DNHD1: variants seen among roughly 807,000 people sequenced by gnomAD.
DNHD1 encodes dynein heavy chain domain-containing protein 1.
DNHD1 carries 383 observed loss-of-function variants against 458.1 expected under a neutral mutation model. That is an observed-to-expected ratio of 0.84 (90% CI 0.77 to 0.91). The LOEUF (loss-of-function observed/expected upper bound fraction) is 0.91. Among genes scored for constraint, DNHD1 ranks in the 40% least tolerant of loss-of-function variants. The pLI, the probability that DNHD1 is intolerant of heterozygous loss-of-function variation, is 0.00. For synonymous variants in DNHD1, 2,203 were observed against 2,376.9 expected (o/e 0.93, Z 2.13); for missense variants, 5,336 against 5,866.1 (o/e 0.91, Z 2.95).
At chr11:6,556,597 C>T (rs1020605568) in intron 24 of DNHD1, 86 bp from the exon 25 acceptor site, 85 of 1,320,832 alleles carry the variant, frequency 6.4e-5, no homozygotes, top group Non-Finnish European at 7.8e-5. Flanking sequence ...TCCTTTAGAA[C>T]CGTGTGTGGC....
intron 12 of DNHD1, among the ~76,000 whole-genome samples, chr11:6,530,003 C>G (rs1389254585): frequency 6.6e-6 from 1 of 152,222 alleles, no homozygotes; most frequent in African/African-American, 2.4e-5. Context: ...GGAACTTCAT[C>G]TAGGCCACTG....
In DNHD1 at chr11:6,540,019, G is replaced by T; in HGVS notation, c.3564G>T (p.Arg1188Ser). The stretch of plus-strand genomic sequence containing the variant: ...CCCCAGCCTCAGAGCGCTCCAAGAG[G>T]CAGGTGCTCCGCAGCCCCCAATGGG... ...YEPPASERSK[R>S]QVLRSPQWEV... The change falls in exon 18 of 43, where the codon AGG (arginine) becomes AGT (serine). Residue 1188 changes from arginine to serine, a missense_variant. This residue lies in a region of DNHD1 where 3,932 missense variants were observed against 4,365.6 expected (regional missense o/e 0.90). Transcript: ENST00000254579. 1 of 1,551,706 alleles carries T rather than the reference G, an allele frequency of 6.4e-7. No homozygotes were observed.
At position 6,563,842 on chromosome 11, in the gene DNHD1, G is replaced by C. The variant is rs781159658; in HGVS notation, c.10002G>C (p.Leu3334=). The change falls in exon 31 of 43, where the codon CTG becomes CTC. Residue 3334 remains leucine (L), a synonymous_variant. Transcript: ENST00000254579. ...ASLAAWLWAV[L]HYGLAHCRGL... ...TGGCAGCCTGGCTCTGGGCTGTTCTGCACTATGGGCTGGCGCATTGCCGGG... is the reference window on the plus strand; with the variant it reads ...TGGCAGCCTGGCTCTGGGCTGTTCTCCACTATGGGCTGGCGCATTGCCGGG... The C allele has an allele frequency of 8.4e-6, 13 of 1,551,564 alleles. No individual in the cohort carries two copies. Among genetic ancestry groups the C allele is most frequent in the South Asian group, 2.4e-5 (2 of 84,066 alleles).
chr11:6,530,483 A>G (rs543637727), intron 12 of DNHD1, among the ~76,000 whole-genome samples: 18 of 152,292 alleles, frequency 1.2e-4, no homozygotes, highest in African/African-American at 4.3e-4. Context: ...TCTTTTAGGA[A>G]ATATGGAGGT....
Position 6,558,069 on chromosome 11 carries a change from A to G in DNHD1, c.8774A>G (p.Gln2925Arg), listed in dbSNP as rs1655418792. ...TCTGGGTCAGAGGAGGCCATTCTCC[A>G]ATGTCTACGAGATGCCAGCTGGCAT... Reference protein sequence around the residue: ...LPSGSEEAILQCLRDASWHAG... With the variant: ...LPSGSEEAILRCLRDASWHAG... Residue 2925 changes from glutamine (Q) to arginine (R), a missense_variant, in exon 25 of 43, where the codon CAA becomes CGA. This residue lies in a region of DNHD1 where 3,932 missense variants were observed against 4,365.6 expected (regional missense o/e 0.90). Transcript: ENST00000254579. 1.3e-6 allele frequency: 2 copies of G among 1,551,620 alleles called. No individual in the cohort carries two copies. The highest frequency in any genetic ancestry group is 1.7e-6 in the Non-Finnish European group (2 of 1,146,960).
Position 6,545,430 on chromosome 11 carries a change from G to A in DNHD1, c.4491G>A (p.Gln1497=). The A allele has an allele frequency of 6.4e-7, 1 of 1,551,828 alleles. No homozygotes were observed. Among genetic ancestry groups the A allele is most frequent in the Non-Finnish European group, 8.7e-7 (1 of 1,147,030 alleles). The change falls in exon 21 of 43, where the codon CAG becomes CAA. Residue 1497 remains glutamine (Q), a synonymous_variant. Transcript: ENST00000254579. The surrounding 1 kb of genome is among the most constrained non-coding windows in gnomAD (Gnocchi z 4.9). ...AGTTGTACCTGCAACTGTATGTCCA[G>A]CACTGGATCGACTTAGTCCAGGCCT... The part of the protein sequence containing the change: ...QNKLYLQLYV[Q]HWIDLVQAFP...
In DNHD1 at chr11:6,567,580, T is replaced by G. The variant is rs763100233; in HGVS notation, c.12071T>G (p.Leu4024Arg). ...TACCTGTCACTGTCATCCACAGTGC[T>G]GGGTCCTGCACCTGGGCCAGGGCCT... is the stretch of plus-strand genomic sequence containing the variant. ...QAYLSLSSTVLGPAPGPGPEP... is the reference protein window; with the variant it reads ...QAYLSLSSTVRGPAPGPGPEP... Residue 4024 changes from leucine (L) to arginine (R), a missense_variant, in exon 36 of 43, where the codon CTG becomes CGG. By Grantham distance (102) the Leu-to-Arg change is moderately radical. Coordinates refer to ENST00000254579, the MANE Select transcript of DNHD1 (RefSeq NM_144666.3). The G allele has an allele frequency of 3.1e-6, 5 of 1,613,300 alleles. No individual in the cohort carries two copies. Among genetic ancestry groups the G allele is most frequent in the Non-Finnish European group, 4.2e-6 (5 of 1,179,598 alleles).
chr11:6,547,828 T>G lies in DNHD1; in HGVS notation c.6728-35T>G, dbSNP rs771454822. The G allele has an allele frequency of 6.3e-5, 97 of 1,549,056 alleles. No homozygotes were observed. In the South Asian group the frequency reaches 6.3e-4, roughly 10 times the overall value. On this transcript the variant is annotated intron_variant, in intron 21 of 42. Transcript: ENST00000254579. ...TCTTTCACCTTCCACCTTTTTCTAC[T>G]GGGGCTCCTCTCGTGGCCATGGCAA...
chr11:6,509,161 G>C lies in DNHD1; in HGVS notation c.1125-1G>C. The C allele has an allele frequency of 1.2e-6, 2 of 1,614,160 alleles. No homozygotes were observed. Among genetic ancestry groups the C allele is most frequent in the Non-Finnish European group, 1.7e-6 (2 of 1,180,008 alleles). On this transcript the variant is annotated splice_acceptor_variant, in intron 5 of 42. Transcript: ENST00000254579. LOFTEE classifies it high-confidence loss of function. ...TATTATCACTGACCTCTAATTTCTA[G>C]TTGGAAGAAGAATGTGAGATTACAG... is the stretch of plus-strand genomic sequence containing the variant.
intron 4 of DNHD1, among the ~76,000 whole-genome samples, chr11:6,504,742 C>T (rs1852197166): frequency 6.6e-6 from 1 of 152,198 alleles, no homozygotes; most frequent in African/African-American, 2.4e-5. Context: ...AGCCAACGTG[C>T]CTGGCCCAGC....
At position 6,557,135 on chromosome 11, in the gene DNHD1, G is replaced by A; in HGVS notation, c.7840G>A (p.Val2614Met). The change falls in exon 25 of 43, where the codon GTG (valine) becomes ATG (methionine). Residue 2614 changes from valine (V) to methionine (M), a missense_variant. This residue lies in a region of DNHD1 where 3,932 missense variants were observed against 4,365.6 expected (regional missense o/e 0.90). Transcript: ENST00000254579. ...LPNRTGSRGF[V>M]DYPNHQEHLR... Reference sequence around the variant, plus strand: ...CAACAGAACAGGCTCCCGAGGTTTTGTGGACTATCCCAACCACCAGGAGCA... The same window carrying A: ...CAACAGAACAGGCTCCCGAGGTTTTATGGACTATCCCAACCACCAGGAGCA... 1 of 1,551,744 alleles carries A rather than the reference G, an allele frequency of 6.4e-7. No individual in the cohort carries two copies. Among genetic ancestry groups the A allele is most frequent in the East Asian group, 2.4e-5 (1 of 40,922 alleles).
chr11:6,549,126 T>A lies in DNHD1; in HGVS notation c.7387+193T>A, dbSNP rs953499640. The A allele has an allele frequency of 6.2e-6, 4 of 642,218 alleles. No individual in the cohort carries two copies. In the African/African-American group the frequency reaches 7.3e-5, roughly 12 times the overall value. The allele number at this position is 642,218 out of a possible 1,614,324, so 39.8% of individuals were successfully genotyped here. On this transcript the variant is annotated intron_variant, in intron 24 of 42. Transcript: ENST00000254579. ...TCTCATGGCCTCATCTCTGCTTTGC[T>A]AAATCTCTGTGTCCAATCTCACTTC...
At chr11:6,503,228 G>A (rs937929129) in intron 4 of DNHD1, 1 of 275,280 alleles carries the variant, frequency 3.6e-6, no homozygotes, top group Non-Finnish European at 6.7e-6. Flanking sequence ...CACAGCCTTA[G>A]AAGTAAATTT....
In DNHD1 at chr11:6,546,513, C is replaced by A. The variant is rs1163318646; in HGVS notation, c.5574C>A (p.Phe1858Leu). 1.9e-6 allele frequency: 3 copies of A among 1,551,142 alleles called. No homozygotes were observed. The highest frequency in any genetic ancestry group is 2.7e-5 in the African/African-American group (2 of 73,058). The change falls in exon 21 of 43, where the codon TTC (phenylalanine) becomes TTA (leucine). Residue 1858 changes from phenylalanine to leucine, a missense_variant. Physicochemically the swap from Phe to Leu is conservative, Grantham distance 22. Coordinates refer to ENST00000254579, the MANE Select transcript of DNHD1 (RefSeq NM_144666.3). Reference protein sequence around the residue: ...AFQMATRLSKFFSLERELVSG... With the variant: ...AFQMATRLSKLFSLERELVSG... ...AGATGGCTACCCGCCTATCCAAATT[C>A]TTCTCTCTAGAGCGTGAGCTGGTGT... is the stretch of plus-strand genomic sequence containing the variant.
intron 10 of DNHD1, among the ~76,000 whole-genome samples, chr11:6,522,184 G>A (rs903119076): frequency 7.2e-5 from 11 of 151,860 alleles, no homozygotes; most frequent in African/African-American, 2.7e-4. Context: ...TTTTTAATGG[G>A]GCTGTTTTTT....
rs1033715871 is a variant in DNHD1 at position 6,539,898 on chromosome 11, G to T, written c.3443G>T (p.Arg1148Leu). Residue 1148 changes from arginine to leucine, a missense_variant, in exon 18 of 43, where the codon CGA (arginine) becomes CTA (leucine). By Grantham distance (102) the Arg-to-Leu change is moderately radical. Transcript: ENST00000254579. ...CAGGTCTGGCAGAATGAAAATGAACGAATTCATGCCCAAGAGACTATACGG... is the reference window on the plus strand; with the variant it reads ...CAGGTCTGGCAGAATGAAAATGAACTAATTCATGCCCAAGAGACTATACGG... ...INQVWQNENE[R>L]IHAQETIRRL... The T allele has an allele frequency of 6.4e-7, 1 of 1,551,708 alleles. No individual in the cohort carries two copies.
Position 6,522,269 on chromosome 11 carries a change from A to G in DNHD1, c.1837+1980A>G, listed in dbSNP as rs146170626. ...TTTGCCAGATGCATAGTTTGCAAAT[A>G]TTTTCTCCCCTTCTGTAGGTTGTCT... is the stretch of plus-strand genomic sequence containing the variant. On this transcript the variant is annotated intron_variant, in intron 10 of 42. Coordinates refer to ENST00000254579, the MANE Select transcript of DNHD1 (RefSeq NM_144666.3). Among the ~76,000 whole-genome samples, 1,343 of 151,684 alleles carry G rather than the reference A, an allele frequency of 8.9e-3. 18 individuals carry two copies. Among genetic ancestry groups the G allele is most frequent in the African/African-American group, 0.031 (1,264 of 41,384 alleles).
intron 28 of DNHD1, among the ~76,000 whole-genome samples, chr11:6,561,624 G>A (rs1232426376): frequency 6.6e-6 from 1 of 152,156 alleles, no homozygotes. Context: ...TCTAGAGAAA[G>A]CAGAGTGCCC....
At chr11:6,528,435 GT>G in intron 10 of DNHD1, 86 bp from the exon 11 acceptor site, 2 of 1,223,188 alleles carry the variant, frequency 1.6e-6, no homozygotes, top group Non-Finnish European at 2.2e-6. Context: ...GTGTGTGTGT[GT>G]ACACACACTG....
Sources: allele counts gnomAD v4.1 joint callset (sites outside exome capture counted in the v4.1 genomes callset), GRCh38; gene constraint gnomAD v4.1.1; regional missense constraint gnomAD v4.1.1; non-coding constraint Gnocchi (gnomAD v3.1); transcripts MANE v1.5; gene names NCBI Gene and HGNC (gene_info 2026-07-23, HGNC 2026-07-21).